Variants in DECR1 observed in about 807,000 individuals in gnomAD.
DECR1 encodes the protein 2,4-dienoyl-CoA reductase [(3E)-enoyl-CoA-producing], mitochondrial.
DECR1 carries 44 observed loss-of-function variants against 38.8 expected under a neutral mutation model. That is an observed-to-expected ratio of 1.13 (90% CI 0.89 to 1.46). The LOEUF (loss-of-function observed/expected upper bound fraction) is 1.46. DECR1 is among the 40% of genes most tolerant of loss of function. The pLI is 0.00. For missense variants in DECR1, 428 were observed against 405.5 expected (o/e 1.06, Z -0.48); for synonymous variants, 148 against 135.2 (o/e 1.09, Z -0.66).
chr8:90,019,119 G>A lies in DECR1; in HGVS notation c.364G>A (p.Asp122Asn), dbSNP rs1347881791. ...AATTCAGTGTGATGTGAGGGATCCT[G>A]ATATGGTTCAAAACACTGTGTCAGA... ...HAIQCDVRDP[D>N]MVQNTVSELI... The change falls in exon 4 of 10, where the codon GAT (aspartate) becomes AAT (asparagine). Residue 122 changes from aspartate to asparagine, a missense_variant. Asp to Asn is a conservative substitution (Grantham distance 23, BLOSUM62 1). Coordinates refer to ENST00000220764, the MANE Select transcript of DECR1 (RefSeq NM_001359.2). 6.2e-7 allele frequency: 1 copy of A among 1,614,184 alleles called. No homozygotes were observed. Among genetic ancestry groups the A allele is most frequent in the South Asian group, 1.1e-5 (1 of 91,084 alleles).
rs1371143358 is a variant in DECR1, at chr8:90,052,599, T to C, written c.*702T>C. The stretch of plus-strand genomic sequence containing the variant: ...CATTCTGTCTCCAGAGTTTGGAGAA[T>C]GTGATGCCTAAGAGATAGCATGCCA... On this transcript the variant is annotated 3_prime_UTR_variant, in exon 10 of 10. Transcript: ENST00000220764. Among the ~76,000 whole-genome samples, 1 of 152,176 alleles carries C rather than the reference T, an allele frequency of 6.6e-6. No individual in the cohort carries two copies. The highest frequency in any genetic ancestry group is 1.5e-5 in the Non-Finnish European group (1 of 68,030).
At chr8:90,045,993 A>G (rs1357151620) in intron 8 of DECR1, among the ~76,000 whole-genome samples, 1 of 152,190 alleles carries the variant, frequency 6.6e-6, no homozygotes, top group African/African-American at 2.4e-5. Context: ...AAGGAAAACT[A>G]ACAAACAGAA....
At chr8:90,051,204 G>T (rs1235007419) in intron 8 of DECR1, among the ~76,000 whole-genome samples, 1 of 151,450 alleles carries the variant, frequency 6.6e-6, no homozygotes, top group Admixed American at 6.6e-5. Context: ...AGGTTTAATT[G>T]ATTCACTCTT....
At chr8:90,032,475 A>G (rs188476867) in intron 5 of DECR1, among the ~76,000 whole-genome samples, 221 of 152,290 alleles carry the variant, frequency 1.5e-3, no homozygotes, top group Non-Finnish European at 1.3e-3. Context: ...GGATAATCCC[A>G]GAAAGGCCCC....
chr8:90,043,467 A>G (rs188861619), intron 7 of DECR1, among the ~76,000 whole-genome samples: 2 of 152,314 alleles, frequency 1.3e-5, no homozygotes, highest in East Asian at 1.9e-4. Flanking sequence ...CATTATCCCA[A>G]AATAACTTCA....
intron 8 of DECR1, among the ~76,000 whole-genome samples, chr8:90,049,149 T>C (rs1813995919): frequency 6.6e-6 from 1 of 152,192 alleles, no homozygotes; most frequent in African/African-American, 2.4e-5. Context: ...ACCACTCCTA[T>C]TCAACATAGT....
Position 90,052,880 on chromosome 8 carries a change from A to C in DECR1, c.*983A>C, listed in dbSNP as rs370951083. On this transcript the variant is annotated 3_prime_UTR_variant, in exon 10 of 10. Coordinates refer to ENST00000220764, the MANE Select transcript of DECR1 (RefSeq NM_001359.2). Reference sequence around the variant, plus strand: ...CTAGACTGACTATCCCCATTGCCCAAGTTGACACAAGAGGAAACCAGCTTC... The same window carrying C: ...CTAGACTGACTATCCCCATTGCCCACGTTGACACAAGAGGAAACCAGCTTC... Among the ~76,000 whole-genome samples the C allele has an allele frequency of 8.5e-5, 13 of 152,280 alleles. No individual in the cohort carries two copies. In the East Asian group the frequency reaches 1.9e-3, roughly 23 times the overall value.
intron 8 of DECR1, among the ~76,000 whole-genome samples, chr8:90,046,700 C>T (rs1249849648): frequency 6.6e-6 from 1 of 152,178 alleles, no homozygotes; most frequent in South Asian, 2.1e-4. Context: ...TACAAAGATA[C>T]TCCCTGAGAA....
intron 5 of DECR1, among the ~76,000 whole-genome samples, chr8:90,028,090 A>T (rs1813399732): frequency 6.6e-6 from 1 of 152,266 alleles, no homozygotes; most frequent in South Asian, 2.1e-4. Context: ...GTTTATATGC[A>T]GATGTTACCT....
At chr8:90,028,145 G>C (rs183247090) in intron 5 of DECR1, among the ~76,000 whole-genome samples, 31 of 152,218 alleles carry the variant, frequency 2.0e-4, no homozygotes, top group Middle Eastern at 3.4e-3. Flanking sequence ...CAGGTGATAG[G>C]TTGGCTACAG....
intron 5 of DECR1, among the ~76,000 whole-genome samples, chr8:90,032,818 A>G (rs1813531416): frequency 6.6e-6 from 1 of 152,124 alleles, no homozygotes; most frequent in Non-Finnish European, 1.5e-5. Flanking sequence ...TGCCTGTTGG[A>G]GTTACCTTCC....
rs557181527 is a variant in DECR1, at chr8:90,024,403, C to T, written c.565+3347C>T. ...TGTTGTTTCCTGACTTTTTAATGAT[C>T]GCCATTCTAACTGGTGTGAGATGGT... is the stretch of plus-strand genomic sequence containing the variant. On this transcript the variant is annotated intron_variant, in intron 5 of 9. Coordinates refer to ENST00000220764, the MANE Select transcript of DECR1 (RefSeq NM_001359.2). Among the ~76,000 whole-genome samples the T allele has an allele frequency of 7.5e-3, 1,143 of 152,186 alleles. 14 individuals carry two copies. The highest frequency in any genetic ancestry group is 0.026 in the African/African-American group (1,064 of 41,524).
At chr8:90,038,224 C>T (rs1586160349) in intron 6 of DECR1, among the ~76,000 whole-genome samples, 1 of 152,232 alleles carries the variant, frequency 6.6e-6, no homozygotes, top group East Asian at 1.9e-4. Context: ...TTTCCCTAAA[C>T]TTACCATACA....
chr8:90,031,914 T>A (rs760104774), intron 5 of DECR1, among the ~76,000 whole-genome samples: 1 of 152,152 alleles, frequency 6.6e-6, no homozygotes, highest in Non-Finnish European at 1.5e-5. Context: ...AAAAAAAAAT[T>A]AAGATACTTT....
At position 90,051,911 on chromosome 8, in the gene DECR1, T is replaced by G; in HGVS notation, c.*14T>G. ...AAAGGTTCCTAAGACCACTTTGGCC[T>G]TCATCTTGGTTACAGAAAAGGGAAT... is the stretch of plus-strand genomic sequence containing the variant. On this transcript the variant is annotated 3_prime_UTR_variant, in exon 10 of 10. Coordinates refer to ENST00000220764, the MANE Select transcript of DECR1 (RefSeq NM_001359.2). 2 of 1,610,444 alleles carry G rather than the reference T, an allele frequency of 1.2e-6. No homozygotes were observed. Among genetic ancestry groups the G allele is most frequent in the Non-Finnish European group, 1.7e-6 (2 of 1,177,372 alleles).
intron 2 of DECR1, 58 bp from the exon 3 acceptor site, chr8:90,018,848 ATTC>A (rs1273012878): frequency 8.3e-7 from 1 of 1,199,734 alleles, no homozygotes; most frequent in African/African-American, 1.5e-5. Context: ...GATTCTCTGT[ATTC>A]TTCAATTTAT....
chr8:90,008,232 G>T (rs530651020), intron 1 of DECR1, among the ~76,000 whole-genome samples: 46 of 152,314 alleles, frequency 3.0e-4, no homozygotes, highest in African/African-American at 1.0e-3. Flanking sequence ...GCATCACTCT[G>T]CATGCAGCCA....
At chr8:90,032,466 G>T (rs1813521829) in intron 5 of DECR1, among the ~76,000 whole-genome samples, 1 of 152,078 alleles carries the variant, frequency 6.6e-6, no homozygotes, top group Non-Finnish European at 1.5e-5. Context: ...GTGTTACTTG[G>T]ATAATCCCAG....
intron 5 of DECR1, among the ~76,000 whole-genome samples, chr8:90,028,401 T>C (rs1187412505): frequency 6.6e-6 from 1 of 152,142 alleles, no homozygotes; most frequent in East Asian, 1.9e-4. Flanking sequence ...TTTGCTTTTC[T>C]TGCATGTATT....
Sources: gnomAD v4.1 joint callset for allele counts (sites outside exome capture counted in the v4.1 genomes callset) on GRCh38, gnomAD v4.1.1 for gene constraint, MANE v1.5 for transcripts, NCBI Gene and HGNC (gene_info 2026-07-23, HGNC 2026-07-21) for gene names.